Variants in CADM2 observed in about 807,000 individuals in gnomAD.
CADM2 encodes immunoglobulin superfamily member 4D.
A neutral mutation model predicts 49.8 loss-of-function variants in CADM2; 12 were observed. The ratio of observed to expected loss-of-function variants is 0.24; its 90% CI spans 0.15 to 0.39. The LOEUF (loss-of-function observed/expected upper bound fraction) is 0.39. Among genes scored for constraint, CADM2 ranks in the 10% least tolerant of loss-of-function variants. The pLI, the probability that CADM2 is intolerant of heterozygous loss-of-function variation, is 1.00. For synonymous variants in CADM2, 214 were observed against 175.4 expected (o/e 1.22, Z -1.74); for missense variants, 378 against 492.3 (o/e 0.77, Z 2.20).
At chr3:85,537,658 TATAACCAGTTAA>T (rs2061455465) in intron 1 of CADM2, among the ~76,000 whole-genome samples, 1 of 151,874 alleles carries the variant, frequency 6.6e-6, no homozygotes, top group Non-Finnish European at 1.5e-5. Flanking sequence ...CATGTCATGT[TATAACCAGTTAA>T]ATTGAACAAT....
chr3:86,060,341 T>A (rs1385390037), intron 8 of CADM2, among the ~76,000 whole-genome samples: 1 of 152,132 alleles, frequency 6.6e-6, no homozygotes, highest in African/African-American at 2.4e-5. Context: ...CTAATAGTGA[T>A]CTATATCCTA....
intron 1 of CADM2, among the ~76,000 whole-genome samples, chr3:85,643,510 A>G (rs1379320635): frequency 2.6e-5 from 4 of 152,182 alleles, no homozygotes; most frequent in Admixed American, 2.6e-4. Flanking sequence ...AGTAATTAGC[A>G]AATCAAAACT....
chr3:85,791,331 A>G (rs1265618904), intron 2 of CADM2, among the ~76,000 whole-genome samples: 2 of 152,168 alleles, frequency 1.3e-5, no homozygotes, highest in Non-Finnish European at 2.9e-5. Flanking sequence ...CTTTCACATT[A>G]GAAGGTTATT....
At chr3:85,850,940 T>G (rs1366165418) in intron 3 of CADM2, among the ~76,000 whole-genome samples, 2 of 152,156 alleles carry the variant, frequency 1.3e-5, no homozygotes, top group Non-Finnish European at 2.9e-5. Flanking sequence ...TAGCACACTG[T>G]AGCAATGGGA....
intron 1 of CADM2, among the ~76,000 whole-genome samples, chr3:85,601,645 TA>T: frequency 6.6e-6 from 1 of 151,684 alleles, no homozygotes; most frequent in East Asian, 1.9e-4. Flanking sequence ...AAAAAACGTT[TA>T]TATTCAGGTT....
At chr3:86,026,939 CA>C (rs1258528823) in intron 8 of CADM2, among the ~76,000 whole-genome samples, 1 of 152,060 alleles carries the variant, frequency 6.6e-6, no homozygotes, top group Non-Finnish European at 1.5e-5. Context: ...CCTTGTATTA[CA>C]GTCTGTAAAC....
At chr3:85,714,205 G>T (rs1196213952) in intron 1 of CADM2, among the ~76,000 whole-genome samples, 10 of 152,046 alleles carry the variant, frequency 6.6e-5, no homozygotes, top group Admixed American at 5.2e-4. Context: ...TTCTCCATTT[G>T]CACAGCTTTT....
chr3:85,069,716 T>TA (rs1024348036), intron 1 of CADM2, among the ~76,000 whole-genome samples: 1 of 152,156 alleles, frequency 6.6e-6, no homozygotes, highest in Non-Finnish European at 1.5e-5. Context: ...TTATCTTTGA[T>TA]AAAAAATGCT....
chr3:85,725,749 T>C lies in CADM2; in HGVS notation c.62-773T>C, dbSNP rs183311717. 7.9e-4 allele frequency among the ~76,000 whole-genome samples: 120 copies of C among 152,142 alleles called. No individual in the cohort carries two copies. In the East Asian group the frequency reaches 9.7e-3, roughly 12 times the overall value. Reference sequence around the variant, plus strand: ...AATAATGCCATTTAAAGTAATACAGTTTTCTAGTCTCATGTTTATGTGTCA... The same window carrying C: ...AATAATGCCATTTAAAGTAATACAGCTTTCTAGTCTCATGTTTATGTGTCA... On this transcript the variant is annotated intron_variant, in intron 1 of 9. Coordinates refer to ENST00000383699, the MANE Select transcript of CADM2 (RefSeq NM_001167675.2).
At chr3:85,813,311 CT>C (rs1450198647) in intron 3 of CADM2, among the ~76,000 whole-genome samples, 1 of 152,100 alleles carries the variant, frequency 6.6e-6, no homozygotes, top group African/African-American at 2.4e-5. Context: ...TGATGATAAG[CT>C]TTTTTTCATG....
intron 1 of CADM2, among the ~76,000 whole-genome samples, chr3:85,033,040 C>G (rs907734751): frequency 1.3e-4 from 19 of 152,000 alleles, no homozygotes; most frequent in Admixed American, 1.3e-4. Context: ...AAAAATTCTA[C>G]TTAAAAAAAT....
chr3:85,895,280 A>G (rs1232636958), intron 5 of CADM2, among the ~76,000 whole-genome samples: 2 of 152,198 alleles, frequency 1.3e-5, no homozygotes, highest in Non-Finnish European at 2.9e-5. Context: ...CCTGAATGTG[A>G]GACATAGAGT....
At chr3:86,029,839 A>T (rs542373728) in intron 8 of CADM2, among the ~76,000 whole-genome samples, 1 of 152,170 alleles carries the variant, frequency 6.6e-6, no homozygotes, top group South Asian at 2.1e-4. Context: ...ATGAGTCATC[A>T]AAATTGTTAT....
chr3:85,592,212 A>G (rs1437618778), intron 1 of CADM2, among the ~76,000 whole-genome samples: 1 of 152,026 alleles, frequency 6.6e-6, no homozygotes, highest in Admixed American at 6.6e-5. Context: ...TAATGCAAAC[A>G]CAAGAAGAGA....
chr3:85,387,018 T>C (rs533634859), intron 1 of CADM2, among the ~76,000 whole-genome samples: 2 of 152,296 alleles, frequency 1.3e-5, no homozygotes, highest in Admixed American at 6.5e-5. Context: ...CTAAGCCTCC[T>C]GGCTCAGTCT....
chr3:85,161,626 C>A (rs768017359), intron 1 of CADM2, among the ~76,000 whole-genome samples: 18 of 152,142 alleles, frequency 1.2e-4, no homozygotes, highest in Middle Eastern at 3.4e-3. Flanking sequence ...ATGTATTTAT[C>A]TGCTGAAAGA....
intron 3 of CADM2, among the ~76,000 whole-genome samples, chr3:85,841,048 A>C (rs2108263177): frequency 6.6e-6 from 1 of 151,974 alleles, no homozygotes; most frequent in African/African-American, 2.4e-5. Context: ...TTGAAATAAT[A>C]ATATAATAAT....
intron 7 of CADM2, among the ~76,000 whole-genome samples, chr3:85,943,958 A>AT: frequency 6.6e-6 from 1 of 152,180 alleles, no homozygotes; most frequent in Non-Finnish European, 1.5e-5. Context: ...AAATGCTCTA[A>AT]TTAAAATACA....
At chr3:85,325,123 A>C (rs947355002) in intron 1 of CADM2, among the ~76,000 whole-genome samples, 1 of 152,258 alleles carries the variant, frequency 6.6e-6, no homozygotes, top group African/African-American at 2.4e-5. Flanking sequence ...TGTAAAGCAC[A>C]CAAATGAAGT....
Sources: allele counts gnomAD v4.1 joint callset (sites outside exome capture counted in the v4.1 genomes callset), GRCh38; gene constraint gnomAD v4.1.1; transcripts MANE v1.5; gene names NCBI Gene and HGNC (gene_info 2026-07-23, HGNC 2026-07-21).